CCDC82: variants seen among roughly 807,000 people sequenced by gnomAD.
CCDC82 encodes the protein coiled-coil domain-containing protein 82.
CCDC82 carries 47 observed loss-of-function variants against 60.6 expected under a neutral mutation model. The ratio of observed to expected loss-of-function variants is 0.77; its 90% CI spans 0.61 to 0.99. CCDC82 has a LOEUF of 0.99. CCDC82 is among the 50% of genes least tolerant of loss of function. CCDC82 has a pLI of 0.00. For synonymous variants in CCDC82, 212 were observed against 207.4 expected (o/e 1.02, Z -0.19); for missense variants, 588 against 633.0 (o/e 0.93, Z 0.76).
At chr11:96,377,027 T>C (rs1865612048) in intron 5 of CCDC82, among the ~76,000 whole-genome samples, 1 of 152,156 alleles carries the variant, frequency 6.6e-6, no homozygotes, top group South Asian at 2.1e-4. Flanking sequence ...CAGGAGGATG[T>C]GGTCTTGCTA....
rs117727016 is a variant in CCDC82 at position 96,362,926 on chromosome 11, T to C, written c.1380+2054A>G. On this transcript the variant is annotated intron_variant, in intron 8 of 9. Transcript: ENST00000646818. Reference sequence around the variant, plus strand: ...ATAAAGAATTAGTCTTCAAAATAACTTGAAGATGGGTGTGGGGTTAAGCAC... The same window carrying C: ...ATAAAGAATTAGTCTTCAAAATAACCTGAAGATGGGTGTGGGGTTAAGCAC... Among the ~76,000 whole-genome samples, 725 of 152,154 alleles carry C rather than the reference T, an allele frequency of 4.8e-3. 12 individuals carry two copies. In the East Asian group the frequency reaches 0.062, roughly 13 times the overall value.
At chr11:96,364,747 G>A in intron 8 of CCDC82, 1 of 403,506 alleles carries the variant, frequency 2.5e-6, no homozygotes, top group Non-Finnish European at 4.4e-6. Context: ...TGTGGTGATT[G>A]CTCTAGACTC....
chr11:96,371,205 T>C, intron 6 of CCDC82, 68 bp from the exon 7 acceptor site: 5 of 1,069,986 alleles, frequency 4.7e-6, no homozygotes, highest in Non-Finnish European at 6.3e-6. Flanking sequence ...ATTTAATACT[T>C]AAAAATTTCT....
At chr11:96,357,139 G>A (rs1864388669) in intron 9 of CCDC82, 1 of 985,436 alleles carries the variant, frequency 1.0e-6, no homozygotes, top group Non-Finnish European at 1.2e-6. Flanking sequence ...GACAGACAGA[G>A]TGAGGATGGG....
intron 7 of CCDC82, among the ~76,000 whole-genome samples, chr11:96,370,718 C>CG (rs1227449554): frequency 1.3e-5 from 2 of 152,172 alleles, no homozygotes; most frequent in African/African-American, 4.8e-5. Context: ...CCATGGAACT[C>CG]TCTTTTCTGA....
intron 5 of CCDC82, among the ~76,000 whole-genome samples, chr11:96,376,143 T>A (rs1221020726): frequency 6.6e-6 from 1 of 152,246 alleles, no homozygotes; most frequent in African/African-American, 2.4e-5. Flanking sequence ...GCCAATCATT[T>A]GGTAGTCTAA....
chr11:96,388,073 T>C (rs969077989), intron 1 of CCDC82: 4 of 152,258 alleles, frequency 2.6e-5, no homozygotes, highest in African/African-American at 9.6e-5. Context: ...TGACCATTTA[T>C]ATCAGTAAGG....
rs922705708 is a variant in CCDC82, at chr11:96,378,074, G to A, written c.992-4607C>T. Reference sequence around the variant, plus strand: ...CCCAAATTTGTGAAATAGGGTCTTCGTTTGTAGTCCTTTATTATCTTCTCC... The same window carrying A: ...CCCAAATTTGTGAAATAGGGTCTTCATTTGTAGTCCTTTATTATCTTCTCC... On this transcript the variant is annotated intron_variant, in intron 5 of 9. Coordinates refer to ENST00000646818, the MANE Select transcript of CCDC82 (RefSeq NM_024725.4). 2.1e-4 allele frequency among the ~76,000 whole-genome samples: 32 copies of A among 151,704 alleles called. 1 individual carries two copies. Among genetic ancestry groups the A allele is most frequent in the Admixed American group, 3.9e-4 (6 of 15,248 alleles).
chr11:96,389,128 T>C (rs1866384421), intron 1 of CCDC82: 1 of 152,030 alleles, frequency 6.6e-6, no homozygotes, highest in Non-Finnish European at 1.5e-5. Context: ...ATGACAGAAA[T>C]AGGATATAAG....
intron 7 of CCDC82, among the ~76,000 whole-genome samples, chr11:96,369,866 T>C (rs1266374545): frequency 6.6e-6 from 1 of 152,220 alleles, no homozygotes; most frequent in Non-Finnish European, 1.5e-5. Context: ...TGCTTATATA[T>C]GCTATTTTTC....
At chr11:96,357,999 C>T (rs1050324528) in intron 9 of CCDC82, 1 of 985,218 alleles carries the variant, frequency 1.0e-6, no homozygotes, top group Non-Finnish European at 1.2e-6. Flanking sequence ...CAAAGGGAAA[C>T]CAGTGATGAT....
chr11:96,355,178 C>T (rs1361937979), intron 9 of CCDC82: 2 of 151,978 alleles, frequency 1.3e-5, no homozygotes, highest in East Asian at 3.8e-4. Context: ...TATTACCTTT[C>T]CTCATATTCC....
At chr11:96,357,283 G>A in intron 9 of CCDC82, 1 of 985,284 alleles carries the variant, frequency 1.0e-6, no homozygotes, top group East Asian at 1.1e-4. Context: ...TTTTTTAAGT[G>A]GAGAAATCTC....
intron 7 of CCDC82, among the ~76,000 whole-genome samples, chr11:96,367,820 CTTTTTTTTTT>C (rs777554159): frequency 8.1e-6 from 1 of 122,736 alleles, no homozygotes; most frequent in East Asian, 2.3e-4. Context: ...AAATGTATTT[CTTTTTTTTTT>C]TTTTTTTTTG....
At chr11:96,370,931 G>T in intron 7 of CCDC82, 82 bp downstream of exon 7, 6 of 1,190,324 alleles carry the variant, frequency 5.0e-6, no homozygotes, top group Non-Finnish European at 5.6e-6. Flanking sequence ...TATTTTAGAA[G>T]ATTATTCAGT....
chr11:96,384,642 G>C lies in CCDC82; in HGVS notation c.106C>G (p.Gln36Glu), dbSNP rs1444269006. The part of the protein sequence containing the change: ...WRRTKRSSIS[Q>E]LLDSDEELDS... ...AGCTCTTCATCACTATCAAGTAATT[G>C]TGAGATACTACTTCTTTTAGTTCGC... Residue 36 changes from glutamine (Q) to glutamate (E), a missense_variant, in exon 4 of 10, where the codon CAA becomes GAA. Transcript: ENST00000646818. 4 of 1,613,444 alleles carry C rather than the reference G, an allele frequency of 2.5e-6. No homozygotes were observed. The Admixed American group carries it at 6.7e-5, about 27-fold the overall frequency.
At chr11:96,377,908 C>A (rs1057308927) in intron 5 of CCDC82, among the ~76,000 whole-genome samples, 14 of 151,958 alleles carry the variant, frequency 9.2e-5, no homozygotes, top group Non-Finnish European at 1.6e-4. Context: ...TCTATAATAA[C>A]CTTGAATTCA....
chr11:96,374,177 A>AACAGTCACTGTAGAATACATGCCCTGCT (rs1865442541), intron 5 of CCDC82, among the ~76,000 whole-genome samples: 1 of 152,230 alleles, frequency 6.6e-6, no homozygotes, highest in Admixed American at 6.5e-5. Flanking sequence ...TCCTTGATCC[A>AACAGTCACTGTAGAATACATGCCCTGCT]ACAGTCACTG....
intron 5 of CCDC82, chr11:96,381,724 C>T (rs1865886004): frequency 6.6e-6 from 1 of 151,746 alleles, no homozygotes; most frequent in South Asian, 2.1e-4. Flanking sequence ...TTCAAAAAGT[C>T]TGATAAAACC....
Sources: allele counts gnomAD v4.1 joint callset (sites outside exome capture counted in the v4.1 genomes callset), GRCh38; gene constraint gnomAD v4.1.1; transcripts MANE v1.5; gene names NCBI Gene and HGNC (gene_info 2026-07-23, HGNC 2026-07-21).